Variants in HAUS4 observed in about 807,000 individuals in gnomAD.
HAUS4 encodes HAUS augmin-like complex subunit 4.
A neutral mutation model predicts 50.6 loss-of-function variants in HAUS4; 34 were observed. The ratio of observed to expected loss-of-function variants is 0.67; its 90% confidence interval spans 0.51 to 0.90. The LOEUF is 0.90. Among genes scored for constraint, HAUS4 ranks in the 40% least tolerant of loss-of-function variants. HAUS4 has a pLI of 0.00. For missense variants in HAUS4, 370 were observed against 428.7 expected (o/e 0.86, Z 1.21); for synonymous variants, 149 against 161.4 (o/e 0.92, Z 0.58).
chr14:22,952,705 G>A (rs1474014537), intron 2 of HAUS4, 22 bp from the exon 3 acceptor site: 5 of 1,554,262 alleles, frequency 3.2e-6, no homozygotes, highest in Admixed American at 2.1e-5. Flanking sequence ...GTCCCCACAG[G>A]TACAAAAAAA....
At chr14:22,951,313 T>C (rs2044748497) in intron 5 of HAUS4, among the ~76,000 whole-genome samples, 1 of 152,028 alleles carries the variant, frequency 6.6e-6, no homozygotes, top group Admixed American at 6.6e-5. Flanking sequence ...CCTTATACTC[T>C]CTATATAAGC....
intron 1 of HAUS4, among the ~76,000 whole-genome samples, chr14:22,956,110 G>T (rs568312472): frequency 6.6e-6 from 1 of 152,118 alleles, no homozygotes; most frequent in Non-Finnish European, 1.5e-5. Flanking sequence ...TGGTTTACTC[G>T]ATCGTTTTAT....
chr14:22,947,325 C>T (rs1054676575), intron 8 of HAUS4, 86 bp from the exon 9 acceptor site: 7 of 932,886 alleles, frequency 7.5e-6, no homozygotes, highest in Admixed American at 3.7e-5. Context: ...TGCCGACGGT[C>T]AAGGTGTGGG....
Position 22,946,425 on chromosome 14 carries a change from C to A in HAUS4, c.*100G>T. On this transcript the variant is annotated 3_prime_UTR_variant, in exon 10 of 10. Transcript: ENST00000541587. Reference sequence around the variant, plus strand: ...TTCAAGCGTAAGCATTTCCACACTCCCTTGTACTGAAGGCAGCCCCAGGTG... The same window carrying A: ...TTCAAGCGTAAGCATTTCCACACTCACTTGTACTGAAGGCAGCCCCAGGTG... The A allele has an allele frequency of 1.2e-6, 1 of 866,640 alleles. No homozygotes were observed. Among genetic ancestry groups the A allele is most frequent in the East Asian group, 2.5e-5 (1 of 39,406 alleles). 53.7% of individuals were successfully genotyped at this position (866,640 alleles called of 1,614,324 possible).
rs776901389 is a variant in HAUS4, at chr14:22,952,360, G to T, written c.298C>A (p.Gln100Lys). Residue 100 changes from glutamine (Q) to lysine (K), a missense_variant, in exon 4 of 10, where the codon CAA (glutamine) becomes AAA (lysine). Physicochemically the swap from Gln to Lys is moderately conservative, Grantham distance 53 (BLOSUM62 1). Transcript: ENST00000541587. ...ELLVDYYVKI[Q>K]DTNVTSEDKK... ...TCCTCAGAAGTTACATTTGTGTCTT[G>T]TATCTTCACATAGTAGTCCACAAGC... 17 of 1,613,944 alleles carry T rather than the reference G, an allele frequency of 1.1e-5. No homozygotes were observed. The highest frequency in any genetic ancestry group is 1.4e-5 in the Non-Finnish European group (16 of 1,179,904).
At chr14:22,955,321 A>T (rs1167630209) in intron 1 of HAUS4, 145 bp from the exon 2 acceptor site, 2 of 645,568 alleles carry the variant, frequency 3.1e-6, no homozygotes, top group South Asian at 3.5e-5. Flanking sequence ...TATACCACAC[A>T]TCCTGGGTCC....
intron 6 of HAUS4, 106 bp from the exon 7 acceptor site, chr14:22,948,119 T>C (rs780660797): frequency 2.2e-4 from 242 of 1,120,606 alleles, no homozygotes; most frequent in Non-Finnish European, 2.8e-4. Flanking sequence ...AAATCCTGCC[T>C]TATGACAGGT....
intron 6 of HAUS4, 50 bp from the exon 7 acceptor site, chr14:22,948,063 C>T (rs1211434284): frequency 2.6e-6 from 4 of 1,517,372 alleles, no homozygotes; most frequent in Non-Finnish European, 3.5e-6. Flanking sequence ...CGCTACAATC[C>T]CTGTAAAGCA....
In HAUS4 at chr14:22,946,590, C is replaced by T. The variant is rs757985683; in HGVS notation, c.1027G>A (p.Val343Ile). The T allele has an allele frequency of 4.3e-6, 7 of 1,613,882 alleles. No homozygotes were observed. The highest frequency in any genetic ancestry group is 1.7e-5 in the Admixed American group (1 of 59,984). ...EFDRLVKEYTVLKQATENKRW... is the reference protein window; with the variant it reads ...EFDRLVKEYTILKQATENKRW... ...TTGTTCTCTGTTGCCTGCTTGAGTA[C>T]GGTGTACTCTTTCACCAGCCTGTCA... Residue 343 changes from valine to isoleucine, a missense_variant, in exon 10 of 10, where the codon GTA becomes ATA. Coordinates refer to ENST00000541587, the MANE Select transcript of HAUS4 (RefSeq NM_001166269.2).
Position 22,948,055 on chromosome 14 carries a change from C to A in HAUS4, c.563-42G>T, listed in dbSNP as rs1297730155. On this transcript the variant is annotated intron_variant, in intron 6 of 9. Transcript: ENST00000541587. ...AGGACTGACAGGAAAACCCTAATCG[C>A]TACAATCCCTGTAAAGCAACCTTCC... The A allele has an allele frequency of 1.9e-6, 3 of 1,540,474 alleles. No individual in the cohort carries two copies. In the South Asian group the frequency reaches 3.7e-5, roughly 19 times the overall value.
At chr14:22,953,441 T>C (rs1473782349) in intron 2 of HAUS4, among the ~76,000 whole-genome samples, 1 of 151,692 alleles carries the variant, frequency 6.6e-6, no homozygotes, top group Non-Finnish European at 1.5e-5. Flanking sequence ...CTGGCCCAAA[T>C]TCTTTTTTAT....
intron 6 of HAUS4, among the ~76,000 whole-genome samples, chr14:22,950,089 T>C (rs951299940): frequency 4.7e-5 from 7 of 149,998 alleles, no homozygotes; most frequent in East Asian, 3.9e-4. Flanking sequence ...AATGGCGCCA[T>C]TGCACTCTAG....
intron 2 of HAUS4, among the ~76,000 whole-genome samples, chr14:22,953,658 T>TC (rs2044801620): frequency 6.6e-6 from 1 of 151,728 alleles, no homozygotes; most frequent in South Asian, 2.1e-4. Flanking sequence ...TCTCACTCTG[T>TC]CACCCAGGCT....
intron 4 of HAUS4, among the ~76,000 whole-genome samples, 164 bp downstream of exon 4, chr14:22,952,164 T>G (rs934717533): frequency 2.0e-5 from 3 of 152,206 alleles, no homozygotes; most frequent in African/African-American, 4.8e-5. Flanking sequence ...ATTACAGGCG[T>G]GTGCCACTGC....
At chr14:22,946,729 G>A (rs767305140) in intron 9 of HAUS4, 21 bp from the exon 10 acceptor site, 3 of 1,580,126 alleles carry the variant, frequency 1.9e-6, no homozygotes, top group Non-Finnish European at 2.6e-6. Context: ...GGGCAGAGAA[G>A]GCACAATATA....
At chr14:22,952,753 A>C in intron 2 of HAUS4, 70 bp from the exon 3 acceptor site, 2 of 1,267,292 alleles carry the variant, frequency 1.6e-6, no homozygotes, top group Non-Finnish European at 2.1e-6. Context: ...ATAACTGAGC[A>C]TAACTTAATA....
chr14:22,955,142 C>T lies in HAUS4; in HGVS notation c.13G>A (p.Asp5Asn), dbSNP rs772983971. The change falls in exon 2 of 10, where the codon GAT becomes AAT. Residue 5 changes from aspartate (D) to asparagine (N), a missense_variant. Transcript: ENST00000541587. ...ATCCCTTCTCCAGGTGAGCAGAAATCCCCGGATGCCATTTGATTTTCTTGG... is the reference window on the plus strand; with the variant it reads ...ATCCCTTCTCCAGGTGAGCAGAAATTCCCGGATGCCATTTGATTTTCTTGG... MASG[D>N]FCSPGEGMEI... 26 of 1,611,516 alleles carry T rather than the reference C, an allele frequency of 1.6e-5. No homozygotes were observed. Among genetic ancestry groups the T allele is most frequent in the Admixed American group, 5.0e-5 (3 of 60,006 alleles).
rs761199996 is a variant in HAUS4 at position 22,946,704 on chromosome 14, G to T, written c.913C>A (p.Arg305Ser). The change falls in exon 10 of 10, where the codon CGT becomes AGT. Residue 305 changes from arginine to serine, a missense_variant. Transcript: ENST00000541587. ...KVEVHRLIRD[R>S]LEGAIHLQEQ... Reference sequence around the variant, plus strand: ...TGTAGGTGAATGGCTCCCTCCAAACGGTCCCTAAGAGCCCGGGCAGAGAAG... The same window carrying T: ...TGTAGGTGAATGGCTCCCTCCAAACTGTCCCTAAGAGCCCGGGCAGAGAAG... The T allele has an allele frequency of 6.2e-7, 1 of 1,606,844 alleles. No individual in the cohort carries two copies. Among genetic ancestry groups the T allele is most frequent in the South Asian group, 1.1e-5 (1 of 90,228 alleles).
Position 22,952,540 on chromosome 14 carries a change from C to T in HAUS4, c.198+1G>A, listed in dbSNP as rs771118174. ...CTTATCTCTTCTCCCAAAGCCCTTA[C>T]CTGAGCCTGCTCCTTTGCTAGGGTG... On this transcript the variant is annotated splice_donor_variant, in intron 3 of 9. Transcript: ENST00000541587. LOFTEE classifies it high-confidence loss of function. 6.2e-7 allele frequency: 1 copy of T among 1,613,170 alleles called. No individual in the cohort carries two copies. The highest frequency in any genetic ancestry group is 8.5e-7 in the Non-Finnish European group (1 of 1,179,508).
Sources: allele counts gnomAD v4.1 joint callset (sites outside exome capture counted in the v4.1 genomes callset), GRCh38; gene constraint gnomAD v4.1.1; transcripts MANE v1.5; gene names NCBI Gene and HGNC (gene_info 2026-07-23, HGNC 2026-07-21).